STK32C: variants seen among roughly 807,000 people sequenced by gnomAD.
The protein encoded by STK32C is serine/threonine kinase 32C.
Under a neutral mutation model 56.5 loss-of-function variants are expected in STK32C, and 31 were observed. The observed-to-expected ratio is 0.55, with a 90% CI of 0.41 to 0.74. The LOEUF (loss-of-function observed/expected upper bound fraction) is 0.74. STK32C is among the 30% of genes least tolerant of loss of function. The pLI is 0.00. For missense variants in STK32C, 544 were observed against 676.9 expected (o/e 0.80, Z 2.18); for synonymous variants, 309 against 289.4 (o/e 1.07, Z -0.69).
intron 1 of STK32C, among the ~76,000 whole-genome samples, chr10:132,263,584 TA>T (rs1393560828): frequency 6.6e-6 from 1 of 151,532 alleles, no homozygotes; most frequent in Non-Finnish European, 1.5e-5. Flanking sequence ...AAATCTAAAA[TA>T]AAAATTGAGA....
At chr10:132,328,243 T>C (rs1476944042) in intron 1 of STK32C, among the ~76,000 whole-genome samples, 1 of 152,014 alleles carries the variant, frequency 6.6e-6, no homozygotes, top group African/African-American at 2.4e-5. Flanking sequence ...GGAGTGCTGA[T>C]TGGTCAGGTT....
intron 1 of STK32C, among the ~76,000 whole-genome samples, chr10:132,248,641 G>A (rs1183960787): frequency 1.3e-5 from 2 of 152,252 alleles, no homozygotes; most frequent in Non-Finnish European, 2.9e-5. Flanking sequence ...GAGGGTGGTG[G>A]TCCACGCCCA....
chr10:132,250,394 A>G (rs914199665), intron 1 of STK32C, among the ~76,000 whole-genome samples: 2 of 37,448 alleles, frequency 5.3e-5, no homozygotes, highest in Non-Finnish European at 1.0e-4. Flanking sequence ...CGCACGGGAC[A>G]GGTCACTGCA....
At chr10:132,294,211 G>A (rs1185950545) in intron 1 of STK32C, among the ~76,000 whole-genome samples, 1 of 152,146 alleles carries the variant, frequency 6.6e-6, no homozygotes, top group Non-Finnish European at 1.5e-5. Flanking sequence ...CAGCACGGCA[G>A]AGTCAGAGTC....
intron 1 of STK32C, among the ~76,000 whole-genome samples, chr10:132,269,177 C>T (rs1391082241): frequency 1.3e-5 from 2 of 150,522 alleles, no homozygotes; most frequent in African/African-American, 4.9e-5. Context: ...GCATGTGTCA[C>T]ATCGTGTGTG....
At chr10:132,260,233 G>A (rs35507869) in intron 1 of STK32C, among the ~76,000 whole-genome samples, 36,206 of 152,064 alleles carry the variant, frequency 0.24, 4,976 homozygotes, top group Non-Finnish European at 0.33. Context: ...CTCAGCCTCC[G>A]CCTGGCCCCT....
chr10:132,273,608 G>A (rs1019418717), intron 1 of STK32C, among the ~76,000 whole-genome samples: 1 of 152,152 alleles, frequency 6.6e-6, no homozygotes, highest in Non-Finnish European at 1.5e-5. Context: ...ATGAGTGAAG[G>A]AGTTACTGAA....
chr10:132,215,681 A>T (rs755651382), intron 10 of STK32C, among the ~76,000 whole-genome samples: 1 of 152,182 alleles, frequency 6.6e-6, no homozygotes, highest in African/African-American at 2.4e-5. Flanking sequence ...AGAACAGACT[A>T]ATACAGTAAA....
intron 1 of STK32C, among the ~76,000 whole-genome samples, chr10:132,258,169 G>C (rs966701458): frequency 2.4e-4 from 36 of 152,234 alleles, no homozygotes; most frequent in African/African-American, 4.6e-4. Context: ...GACCTAGAGA[G>C]GGGGGCAGCT....
At chr10:132,318,346 T>G (rs533990768) in intron 1 of STK32C, among the ~76,000 whole-genome samples, 7 of 151,956 alleles carry the variant, frequency 4.6e-5, no homozygotes, top group Admixed American at 4.6e-4. Flanking sequence ...CCAGGCACGG[T>G]GGCTCACGCT....
At chr10:132,300,910 C>T (rs1172097727) in intron 1 of STK32C, among the ~76,000 whole-genome samples, 1 of 152,190 alleles carries the variant, frequency 6.6e-6, no homozygotes, top group Non-Finnish European at 1.5e-5. Context: ...TTTTTATCTC[C>T]AGTTATACAC....
chr10:132,330,089 C>A (rs1477129364), intron 1 of STK32C, among the ~76,000 whole-genome samples: 2 of 152,212 alleles, frequency 1.3e-5, no homozygotes, highest in Non-Finnish European at 2.9e-5. Flanking sequence ...TTCATTCGTT[C>A]CTACGTTGGG....
upstream of STK32C, among the ~76,000 whole-genome samples, chr10:132,309,356 TGGACATGCACCCGCCTA>T (rs1472902989): frequency 5.3e-5 from 8 of 151,778 alleles, no homozygotes; most frequent in Middle Eastern, 3.4e-3. Flanking sequence ...TGCACCCGCC[TGGACATGCACCCGCCTA>T]GGACATGCAC....
At chr10:132,331,809 G>A (rs759428143) in exon 1 of STK32C, 30 of 1,587,382 alleles carry the variant, frequency 1.9e-5, no homozygotes, top group African/African-American at 1.1e-4. Flanking sequence ...CTTGCCCGTC[G>A]ACCACCACCC....
At chr10:132,222,308 C>T (rs927143589) in intron 10 of STK32C, among the ~76,000 whole-genome samples, 3 of 151,848 alleles carry the variant, frequency 2.0e-5, no homozygotes, top group East Asian at 1.9e-4. Flanking sequence ...CTGATGCTGA[C>T]GCACCTGGGC....
At chr10:132,228,988 C>T (rs2062999196) in intron 2 of STK32C, among the ~76,000 whole-genome samples, 2 of 152,208 alleles carry the variant, frequency 1.3e-5, no homozygotes, top group Non-Finnish European at 2.9e-5. Flanking sequence ...AACACTGATG[C>T]CGCAAACACA....
chr10:132,303,617 C>A (rs1194622333), intron 1 of STK32C, among the ~76,000 whole-genome samples: 1 of 152,194 alleles, frequency 6.6e-6, no homozygotes, highest in Non-Finnish European at 1.5e-5. Context: ...GCAGGCAATT[C>A]AAAAAGTGTG....
At chr10:132,283,714 A>T (rs1002489905) in intron 1 of STK32C, among the ~76,000 whole-genome samples, 1 of 152,210 alleles carries the variant, frequency 6.6e-6, no homozygotes, top group African/African-American at 2.4e-5. Context: ...TGACCCCAGC[A>T]CTAAGAGGAG....
rs190346321 is a variant in STK32C at position 132,316,900 on chromosome 10, A to C, written c.301+14536T>G. On this transcript the variant is annotated intron_variant, in intron 1 of 3. Coordinates refer to the STK32C transcript ENST00000368620. ...GAAACCCCGACTCTAAAACTACAAA[A>C]ATTAGGAGAATCACTTGAACCTGGG... 2.0e-5 allele frequency among the ~76,000 whole-genome samples: 3 copies of C among 151,826 alleles called. No individual in the cohort carries two copies. In the East Asian group the frequency reaches 5.8e-4, roughly 30 times the overall value.
Sources: gnomAD v4.1 joint callset for allele counts (sites outside exome capture counted in the v4.1 genomes callset) on GRCh38, gnomAD v4.1.1 for gene constraint, MANE v1.5 for transcripts, NCBI Gene and HGNC (gene_info 2026-07-23, HGNC 2026-07-21) for gene names.